The following CEACAM20 variants were observed in gnomAD, a reference collection of about 807,000 sequenced individuals.
The protein encoded by CEACAM20 is cell adhesion molecule CEACAM20.
Under a neutral mutation model 61.2 loss-of-function variants are expected in CEACAM20, and 50 were observed. That is an observed-to-expected ratio of 0.82 (90% CI 0.65 to 1.03). CEACAM20 has a LOEUF of 1.03. CEACAM20 is among the 50% of genes least tolerant of loss of function. The pLI is 0.00. For synonymous variants in CEACAM20, 282 were observed against 287.7 expected (o/e 0.98, Z 0.20); for missense variants, 683 against 736.4 (o/e 0.93, Z 0.84).
At chr19:44,511,764 A>G (rs1039913744) in intron 9 of CEACAM20, 92 bp from the exon 10 acceptor site, 3 of 1,274,034 alleles carry the variant, frequency 2.4e-6, no homozygotes, top group African/African-American at 2.9e-5. Context: ...CTCAGAGGCA[A>G]TTATAGCACT....
At chr19:44,520,082 C>A (rs1262850764) in intron 5 of CEACAM20, among the ~76,000 whole-genome samples, 1 of 152,218 alleles carries the variant, frequency 6.6e-6, no homozygotes, top group Non-Finnish European at 1.5e-5. Context: ...AGGAGCATTT[C>A]CCCTAATAAA....
At chr19:44,507,218 G>C (rs1970844318) in intron 11 of CEACAM20, among the ~76,000 whole-genome samples, 1 of 152,174 alleles carries the variant, frequency 6.6e-6, no homozygotes, top group Admixed American at 6.5e-5. Context: ...AAGCTTACTA[G>C]GTGGTATTTC....
At chr19:44,512,137 C>G (rs1971021978) in intron 8 of CEACAM20, 59 bp from the exon 9 acceptor site, 7 of 1,368,174 alleles carry the variant, frequency 5.1e-6, no homozygotes, top group Non-Finnish European at 7.2e-6. Flanking sequence ...GGGCAAGGGG[C>G]TGTTTTTCCA....
At chr19:44,518,188 A>C (rs940685785) in intron 5 of CEACAM20, among the ~76,000 whole-genome samples, 17 of 146,514 alleles carry the variant, frequency 1.2e-4, no homozygotes, top group African/African-American at 4.2e-4. Context: ...GCAGGCAGGC[A>C]GGCAGGCAGG....
chr19:44,528,951 TC>T (rs1971624967), intron 1 of CEACAM20, among the ~76,000 whole-genome samples: 2 of 122,906 alleles, frequency 1.6e-5, no homozygotes, highest in African/African-American at 7.0e-5. Flanking sequence ...TTTCTCTCTT[TC>T]TTTCTTTTTT....
At chr19:44,526,603 G>A (rs112665887) in intron 1 of CEACAM20, among the ~76,000 whole-genome samples, 4,312 of 151,994 alleles carry the variant, frequency 0.028, 73 homozygotes, top group Middle Eastern at 0.051. Flanking sequence ...GGGACCTGGC[G>A]CGGTGGCTCA....
Position 44,511,057 on chromosome 19 carries a change from C to T in CEACAM20, c.1710G>A (p.Val570=). The change falls in exon 11 of 12, where the codon GTG becomes GTA. Residue 570 remains valine, a synonymous_variant. Transcript: ENST00000614924. ...LMPPLRLVST[V]PKNMESIYEE... ...CATAGATTGACTCCATGTTTTTTGGCACAGTGGAGACCAATCTGAGTGGGG... is the reference window on the plus strand; with the variant it reads ...CATAGATTGACTCCATGTTTTTTGGTACAGTGGAGACCAATCTGAGTGGGG... The T allele has an allele frequency of 1.8e-5, 29 of 1,613,728 alleles. No individual in the cohort carries two copies. The highest frequency in any genetic ancestry group is 2.5e-5 in the Non-Finnish European group (29 of 1,179,802).
At position 44,520,460 on chromosome 19, in the gene CEACAM20, C is replaced by T; in HGVS notation, c.1030+14G>A. The T allele has an allele frequency of 6.2e-7, 1 of 1,609,352 alleles. No individual in the cohort carries two copies. Among genetic ancestry groups the T allele is most frequent in the Non-Finnish European group, 8.5e-7 (1 of 1,177,628 alleles). ...GCAGGGAGATGGGGAAGGTCCAGGC[C>T]CTGGGTGACTCACAGTTGATGGTCA... On this transcript the variant is annotated intron_variant, in intron 5 of 11. Coordinates refer to ENST00000614924, the MANE Select transcript of CEACAM20 (RefSeq NM_001102597.3).
rs1367630217 is a variant in CEACAM20 at position 44,506,187 on chromosome 19, A to G, written c.1765T>C (p.Tyr589His). Reference sequence around the variant, plus strand: ...TAGACGGAGGGGTTGATTTGGATGTAAGTGTTGGGCTCTGGATTCACAAGC... The same window carrying G: ...TAGACGGAGGGGTTGATTTGGATGTGAGTGTTGGGCTCTGGATTCACAAGC... The part of the protein sequence containing the change: ...EELVNPEPNT[Y>H]IQINPSV Residue 589 changes from tyrosine to histidine, a missense_variant, in exon 12 of 12, where the codon TAC (tyrosine) becomes CAC (histidine). Transcript: ENST00000614924. The G allele has an allele frequency of 6.2e-7, 1 of 1,613,842 alleles. No homozygotes were observed. Among genetic ancestry groups the G allele is most frequent in the South Asian group, 1.1e-5 (1 of 91,048 alleles).
intron 4 of CEACAM20, among the ~76,000 whole-genome samples, chr19:44,521,297 T>C (rs1009363630): frequency 1.3e-4 from 20 of 152,298 alleles, no homozygotes; most frequent in African/African-American, 4.8e-4. Context: ...GTTTTCCATG[T>C]TGTCCATCTT....
rs770774550 is a variant in CEACAM20 at position 44,524,244 on chromosome 19, T to C, written c.214A>G (p.Ile72Val). 6.2e-7 allele frequency: 1 copy of C among 1,613,170 alleles called. No individual in the cohort carries two copies. Among genetic ancestry groups the C allele is most frequent in the Non-Finnish European group, 8.5e-7 (1 of 1,179,452 alleles). Residue 72 changes from isoleucine to valine, a missense_variant, in exon 3 of 12, where the codon ATT becomes GTT. Coordinates refer to ENST00000614924, the MANE Select transcript of CEACAM20 (RefSeq NM_001102597.3). Reference protein sequence around the residue: ...GRSRELAKPSIAVSPGTAIEQ... With the variant: ...GRSRELAKPSVAVSPGTAIEQ... Reference sequence around the variant, plus strand: ...ATGGCAGTGCCTGGGCTGACTGCAATGGAGGGTTTGGCCAGCTCTGAAAGC... The same window carrying C: ...ATGGCAGTGCCTGGGCTGACTGCAACGGAGGGTTTGGCCAGCTCTGAAAGC...
In CEACAM20 at chr19:44,513,139, A is replaced by G. The variant is rs370490069; in HGVS notation, c.1427+33T>C. On this transcript the variant is annotated intron_variant, in intron 7 of 11. Coordinates refer to ENST00000614924, the MANE Select transcript of CEACAM20 (RefSeq NM_001102597.3). ...AGCGCCCCCTGCTGGCCACATCCCC[A>G]TCCCCATCCCCCTCCCTGTATCCCT... 2.5e-5 allele frequency: 38 copies of G among 1,541,988 alleles called. No homozygotes were observed. The East Asian group carries it at 2.7e-4, about 11-fold the overall frequency.
chr19:44,519,640 A>C (rs924721289), intron 5 of CEACAM20, among the ~76,000 whole-genome samples: 1 of 152,200 alleles, frequency 6.6e-6, no homozygotes, highest in African/African-American at 2.4e-5. Context: ...AATATCAGTC[A>C]GCAGCATATT....
chr19:44,524,386 G>T, intron 2 of CEACAM20, 125 bp from the exon 3 acceptor site: 1 of 1,054,606 alleles, frequency 9.5e-7, no homozygotes, highest in Non-Finnish European at 1.4e-6. Flanking sequence ...TCTGGAGTTG[G>T]ATGCCTGGGC....
Position 44,511,669 on chromosome 19 carries a change from G to C in CEACAM20, c.1579C>G (p.Gln527Glu), listed in dbSNP as rs747580894. 1.9e-6 allele frequency: 3 copies of C among 1,612,624 alleles called. No individual in the cohort carries two copies. The Admixed American group carries it at 5.0e-5, about 27-fold the overall frequency. The change falls in exon 10 of 12, where the codon CAA becomes GAA. Residue 527 changes from glutamine to glutamate, a missense_variant. By Grantham distance (29) the Gln-to-Glu change is conservative. Transcript: ENST00000614924. ...LQGRIRVELM[Q>E]PPDLPEETYE... ...GTCTCCTCTGGAAGGTCTGGTGGTT[G>C]CATCTGGGGAAAAACAAAGTTGCAG...
intron 10 of CEACAM20, among the ~76,000 whole-genome samples, 190 bp from the exon 11 acceptor site, chr19:44,511,345 C>A (rs1970993275): frequency 6.6e-6 from 1 of 152,220 alleles, no homozygotes; most frequent in Non-Finnish European, 1.5e-5. Flanking sequence ...CCTGCTGGAT[C>A]TGCAACCTCT....
chr19:44,526,227 A>G (rs1212652689), intron 1 of CEACAM20, among the ~76,000 whole-genome samples: 1 of 152,174 alleles, frequency 6.6e-6, no homozygotes, highest in Non-Finnish European at 1.5e-5. Context: ...TCCAGTTTTC[A>G]ACGGGGTGTG....
At chr19:44,524,665 G>C (rs1971473631) in intron 2 of CEACAM20, among the ~76,000 whole-genome samples, 1 of 152,012 alleles carries the variant, frequency 6.6e-6, no homozygotes, top group South Asian at 2.1e-4. Context: ...CTGCAACCTT[G>C]ACCTCATGGG....
At chr19:44,508,150 C>T (rs1228192121) in intron 11 of CEACAM20, among the ~76,000 whole-genome samples, 1 of 152,166 alleles carries the variant, frequency 6.6e-6, no homozygotes, top group Non-Finnish European at 1.5e-5. Flanking sequence ...CCTGTTCTGG[C>T]CTCTCTCTTA....
Sources: allele counts gnomAD v4.1 joint callset (sites outside exome capture counted in the v4.1 genomes callset), GRCh38; gene constraint gnomAD v4.1.1; transcripts MANE v1.5; gene names NCBI Gene and HGNC (gene_info 2026-07-23, HGNC 2026-07-21).